Variants in FXYD1 observed in about 807,000 individuals in gnomAD.
FXYD1 encodes the protein FXYD domain containing ion transport regulator 1.
A neutral mutation model predicts 17.2 loss-of-function variants in FXYD1; 9 were observed. That is an observed-to-expected ratio of 0.52 (90% CI 0.32 to 0.91). The LOEUF (loss-of-function observed/expected upper bound fraction) is 0.91. FXYD1 is among the 40% of genes least tolerant of loss of function. FXYD1 has a pLI of 0.04. For synonymous variants in FXYD1, 55 were observed against 45.8 expected (o/e 1.20, Z -0.81); for missense variants, 113 against 120.6 (o/e 0.94, Z 0.29).
chr19:35,142,519 G>A lies in FXYD1; in HGVS notation c.254G>A (p.Arg85His), dbSNP rs2065266397. 1 of 1,613,008 alleles carries A rather than the reference G, an allele frequency of 6.2e-7. No homozygotes were observed. The highest frequency in any genetic ancestry group is 8.5e-7 in the Non-Finnish European group (1 of 1,179,246). Residue 85 changes from arginine to histidine, a missense_variant and splice_region_variant, in exon 6 of 8, where the codon CGC becomes CAC. Arg to His is a conservative substitution (Grantham distance 29). Transcript: ENST00000351325. The stretch of plus-strand genomic sequence containing the variant: ...GAGGGAACTTTCCGCAGCTCCATCC[G>A]CCGTGAGTCTGGGGAGACTGCGGGT... ...EEEGTFRSSI[R>H]RLSTRRR
chr19:35,140,785 C>A, intron 3 of FXYD1, 156 bp downstream of exon 3: 1 of 639,890 alleles, frequency 1.6e-6, no homozygotes. Flanking sequence ...CTGTCTGCAT[C>A]TTTTCCTGTC....
At position 35,141,519 on chromosome 19, in the gene FXYD1, C is replaced by A. The variant is rs1284859717; in HGVS notation, c.170-17C>A. On this transcript the variant is annotated splice_polypyrimidine_tract_variant and intron_variant, in intron 4 of 7. Transcript: ENST00000351325. ...CGGGAGGGAGCCTCAGCTTCTCCTA[C>A]CTCTCCACGCCCACAGGCAGAAGAT... 3.7e-6 allele frequency: 6 copies of A among 1,606,784 alleles called. No individual in the cohort carries two copies. In the African/African-American group the frequency reaches 6.7e-5, roughly 18 times the overall value.
At chr19:35,140,189 C>A in intron 2 of FXYD1, 49 bp downstream of exon 2, 5 of 1,092,670 alleles carry the variant, frequency 4.6e-6, no homozygotes, top group South Asian at 1.2e-5. Flanking sequence ...CCAGGGGTGG[C>A]GGTGGGGACC....
At chr19:35,140,446 G>A in intron 2 of FXYD1, 151 bp from the exon 3 acceptor site, 1 of 731,286 alleles carries the variant, frequency 1.4e-6, no homozygotes, top group Middle Eastern at 4.0e-4. Flanking sequence ...ACAGTGCAGA[G>A]GGGGCAGCTG....
rs761168011 is a variant in FXYD1, at chr19:35,141,549, G to A, written c.183G>A (p.Arg61=). The A allele has an allele frequency of 2.2e-5, 36 of 1,610,704 alleles. No homozygotes were observed. Among genetic ancestry groups the A allele is most frequent in the Non-Finnish European group, 3.1e-5 (36 of 1,178,780 alleles). The change falls in exon 5 of 8, where the codon CGG becomes CGA. Residue 61 remains arginine, a synonymous_variant. Transcript: ENST00000351325. Reference sequence around the variant, plus strand: ...CCACGCCCACAGGCAGAAGATGCCGGTGCAAGTTCAACCAGCAGCAGAGGT... The same window carrying A: ...CCACGCCCACAGGCAGAAGATGCCGATGCAAGTTCAACCAGCAGCAGAGGT... The part of the protein sequence containing the change: ...GILIVLSRRC[R]CKFNQQQRTG...
chr19:35,141,559 A>G lies in FXYD1; in HGVS notation c.193A>G (p.Asn65Asp). Residue 65 changes from asparagine to aspartate, a missense_variant, in exon 5 of 8, where the codon AAC (asparagine) becomes GAC (aspartate). Transcript: ENST00000351325. ...VLSRRCRCKF[N>D]QQQRTGEPDE... ...AGGCAGAAGATGCCGGTGCAAGTTC[A>G]ACCAGCAGCAGAGGTAAGACGCCCC... 1 of 1,610,796 alleles carries G rather than the reference A, an allele frequency of 6.2e-7. No homozygotes were observed.
At chr19:35,142,029 C>T (rs1417859476) in intron 5 of FXYD1, among the ~76,000 whole-genome samples, 1 of 152,176 alleles carries the variant, frequency 6.6e-6, no homozygotes, top group African/African-American at 2.4e-5. Context: ...TGGGTGTGTA[C>T]CACGTGTTAG....
upstream of FXYD1, chr19:35,137,657 C>G (rs1048822648): frequency 6.6e-6 from 1 of 152,534 alleles, no homozygotes; most frequent in Non-Finnish European, 1.5e-5. Flanking sequence ...GACAGAGTCT[C>G]GCTCTGTTGC....
upstream of FXYD1, among the ~76,000 whole-genome samples, chr19:35,137,418 C>T (rs1424047910): frequency 1.3e-5 from 2 of 152,182 alleles, no homozygotes; most frequent in Non-Finnish European, 2.9e-5. Flanking sequence ...CAACCATGTG[C>T]CTGTTTGCTC....
intron 5 of FXYD1, among the ~76,000 whole-genome samples, 163 bp downstream of exon 5, chr19:35,141,735 G>GA (rs1018604300): frequency 6.6e-6 from 1 of 152,156 alleles, no homozygotes; most frequent in Non-Finnish European, 1.5e-5. Flanking sequence ...ACCAAGCGAG[G>GA]AAAAAACCTC....
In FXYD1 at chr19:35,140,098, A is replaced by G; in HGVS notation, c.19A>G (p.Ile7Val). Reference sequence around the variant, plus strand: ...CAGGACAATGGCGTCTCTTGGCCACATCTTGGTTTTCTGTGTGGGTCTCCT... The same window carrying G: ...CAGGACAATGGCGTCTCTTGGCCACGTCTTGGTTTTCTGTGTGGGTCTCCT... MASLGH[I>V]LVFCVGLLTM... Residue 7 changes from isoleucine (I) to valine (V), a missense_variant, in exon 2 of 8, where the codon ATC (isoleucine) becomes GTC (valine). Ile to Val is a conservative substitution (Grantham distance 29, BLOSUM62 3). Coordinates refer to ENST00000351325, the MANE Select transcript of FXYD1 (RefSeq NM_021902.4). The G allele has an allele frequency of 1.2e-6, 2 of 1,612,222 alleles. No homozygotes were observed. The highest frequency in any genetic ancestry group is 1.7e-6 in the Non-Finnish European group (2 of 1,178,294).
At chr19:35,139,732 G>A (rs923037215) in intron 1 of FXYD1, 11 of 293,804 alleles carry the variant, frequency 3.7e-5, no homozygotes, top group Admixed American at 1.3e-4. Flanking sequence ...CCTGCTCTGT[G>A]TTTGTGTGAG....
Position 35,141,481 on chromosome 19 carries a change from G to T in FXYD1, c.170-55G>T, listed in dbSNP as rs1187095546. The stretch of plus-strand genomic sequence containing the variant: ...GAGGGCGAGCTGGAGCTACAGCGCC[G>T]CTTGGCGCCCGCCGGGAGGGAGCCT... On this transcript the variant is annotated intron_variant, in intron 4 of 7. Transcript: ENST00000351325. 5.3e-6 allele frequency: 8 copies of T among 1,505,436 alleles called. No homozygotes were observed. In the East Asian group the frequency reaches 1.9e-4, roughly 35 times the overall value. 93.3% of individuals were successfully genotyped at this position (1,505,436 alleles called of 1,614,324 possible). A position where few individuals can be genotyped will look rare whatever the true frequency, so the allele number is the denominator to read the frequency against.
chr19:35,142,161 G>A (rs2065262342), intron 5 of FXYD1: 1 of 332,304 alleles, frequency 3.0e-6, no homozygotes, highest in Non-Finnish European at 5.5e-6. Flanking sequence ...AAGATGGGGG[G>A]TTCTGGGTTT....
intron 5 of FXYD1, chr19:35,142,162 T>G: frequency 3.1e-6 from 1 of 325,638 alleles, no homozygotes; most frequent in Non-Finnish European, 5.6e-6. Flanking sequence ...AGATGGGGGG[T>G]TCTGGGTTTC....
intron 2 of FXYD1, 64 bp from the exon 3 acceptor site, chr19:35,140,533 C>A: frequency 1.4e-6 from 2 of 1,459,736 alleles, no homozygotes; most frequent in Non-Finnish European, 1.9e-6. Context: ...CCAGTGGTCT[C>A]CTCATGCCCC....
intron 3 of FXYD1, 146 bp from the exon 4 acceptor site, chr19:35,140,986 T>G: frequency 4.5e-6 from 2 of 444,154 alleles, no homozygotes; most frequent in Non-Finnish European, 8.6e-6. Context: ...ACTTTCCTCC[T>G]CCCATATCTG....
intron 1 of FXYD1, 67 bp from the exon 2 acceptor site, chr19:35,140,009 C>G (rs1268376772): frequency 2.9e-6 from 4 of 1,363,910 alleles, no homozygotes; most frequent in Non-Finnish European, 2.1e-6. Flanking sequence ...TGACTTAATC[C>G]CTTGGGTTCA....
In FXYD1 at chr19:35,142,772, G is replaced by A. The variant is rs2065269508; in HGVS notation, c.*29+1G>A. ...ACCTGGAGCGATGGAATCCGGCCAG[G>A]TGCTGCAGCTCTGACACGGCGGTGG... is the stretch of plus-strand genomic sequence containing the variant. On this transcript the variant is annotated splice_donor_variant, in intron 7 of 7. Transcript: ENST00000351325. LOFTEE classifies it low-confidence loss of function (3UTR_SPLICE). 3 of 1,609,674 alleles carry A rather than the reference G, an allele frequency of 1.9e-6. No individual in the cohort carries two copies. In the African/African-American group the frequency reaches 4.0e-5, roughly 22 times the overall value.
Sources: gnomAD v4.1 joint callset for allele counts (sites outside exome capture counted in the v4.1 genomes callset) on GRCh38, gnomAD v4.1.1 for gene constraint, MANE v1.5 for transcripts, NCBI Gene and HGNC (gene_info 2026-07-23, HGNC 2026-07-21) for gene names.